ASAP2: variants seen among roughly 807,000 people sequenced by gnomAD.
ASAP2 encodes the protein ArfGAP with SH3 domain, ankyrin repeat and PH domain 2, also known as arf-GAP with SH3 domain, ANK repeat and PH domain-containing protein 2.
ASAP2 carries 45 observed loss-of-function variants against 131.4 expected under a neutral mutation model. The ratio of observed to expected loss-of-function variants is 0.34; its 90% CI spans 0.27 to 0.44. ASAP2 has a LOEUF of 0.44. Ranked by LOEUF, ASAP2 falls within the 20% of genes least tolerant of loss-of-function variation. The probability of loss-of-function intolerance (pLI) is 1.00; values close to 1 mark genes in which losing one functional copy is unlikely to be tolerated. For missense variants in ASAP2, 1,011 were observed against 1,297.0 expected, an observed-to-expected ratio of 0.78 and a Z score of 3.39; for synonymous variants, 510 against 503.0, an observed-to-expected ratio of 1.01 and a Z score of -0.19.
rs755154467 is a variant in ASAP2, at chr2:9,385,355, G to C, written c.2127G>C (p.Leu709Phe). 4.3e-6 allele frequency: 7 copies of C among 1,611,152 alleles called. No individual in the cohort carries two copies. Among genetic ancestry groups the C allele is most frequent in the Non-Finnish European group, 5.9e-6 (7 of 1,177,192 alleles). Reference sequence around the variant, plus strand: ...GTGATGACGACATGGATGAGAAATTGCAGGTCTGTGCCAGGTTGCTAACCA... The same window carrying C: ...GTGATGACGACATGGATGAGAAATTCCAGGTCTGTGCCAGGTTGCTAACCA... ...DESDDDMDEK[L>F]QPSPNRREDR... Residue 709 changes from leucine (L) to phenylalanine (F), a missense_variant, in exon 21 of 28, where the codon TTG (leucine) becomes TTC (phenylalanine). Transcript: ENST00000281419.
At chr2:9,286,513 T>C (rs1045469738) in intron 2 of ASAP2, among the ~76,000 whole-genome samples, 20 of 152,074 alleles carry the variant, frequency 1.3e-4, no homozygotes, top group African/African-American at 4.6e-4. Flanking sequence ...ATCAGAATAA[T>C]CTTTACTGTT....
At chr2:9,397,740 ATATATATATATTTTT>A (rs1298594625) in intron 24 of ASAP2, among the ~76,000 whole-genome samples, 2 of 87,668 alleles carry the variant, frequency 2.3e-5, no homozygotes, top group East Asian at 5.0e-4. Flanking sequence ...ATATATATAT[ATATATATATATTTTT>A]TTTTTTTTTT....
rs368547367 is a variant in ASAP2, at chr2:9,385,271, T to C, written c.2043T>C (p.Phe681=). The C allele has an allele frequency of 1.9e-6, 3 of 1,614,052 alleles. No individual in the cohort carries two copies. The African/African-American group carries it at 4.0e-5, about 22-fold the overall frequency. The part of the protein sequence containing the change: ...ELLTQALSGR[F]NSHVHVEYEW... ...TGACCCAAGCCTTATCTGGAAGATT[T>C]AATTCTCACGTTCACGTTGAATATG... The change falls in exon 21 of 28, where the codon TTT becomes TTC. Residue 681 remains phenylalanine, a synonymous_variant. Transcript: ENST00000281419.
At chr2:9,380,694 T>C (rs765995666) in intron 19 of ASAP2, 47 bp from the exon 20 acceptor site, 5 of 1,577,244 alleles carry the variant, frequency 3.2e-6, no homozygotes, top group South Asian at 1.1e-5. Flanking sequence ...GTCAGGCCTT[T>C]GCTGGGTTTT....
intron 16 of ASAP2, 135 bp from the exon 17 acceptor site, chr2:9,374,620 C>T (rs1374230560): frequency 4.1e-5 from 34 of 821,120 alleles, no homozygotes; most frequent in African/African-American, 3.5e-5. Context: ...CGGCCACTCC[C>T]GCTTTGTGTT....
intron 1 of ASAP2, among the ~76,000 whole-genome samples, chr2:9,266,147 C>CTTTTTTTT (rs3053782): frequency 2.2e-5 from 3 of 133,890 alleles, no homozygotes; most frequent in Admixed American, 7.6e-5. Flanking sequence ...GCCTTTTTAT[C>CTTTTTTTT]TTTTTTTTTT....
At chr2:9,364,526 A>T (rs1673312636) in intron 15 of ASAP2, among the ~76,000 whole-genome samples, 1 of 152,190 alleles carries the variant, frequency 6.6e-6, no homozygotes, top group Non-Finnish European at 1.5e-5. Flanking sequence ...ACATCAAATT[A>T]AAAAACAGGC....
At chr2:9,254,518 A>C (rs1326093715) in intron 1 of ASAP2, among the ~76,000 whole-genome samples, 1 of 113,986 alleles carries the variant, frequency 8.8e-6, no homozygotes, top group Non-Finnish European at 1.7e-5. Flanking sequence ...ACCCCCAGCT[A>C]ATTTTTGGAT....
At chr2:9,248,536 A>G (rs1296254224) in intron 1 of ASAP2, among the ~76,000 whole-genome samples, 1 of 152,004 alleles carries the variant, frequency 6.6e-6, no homozygotes, top group African/African-American at 2.4e-5. Context: ...CCCCAGTGAG[A>G]GTCAGCGTTT....
At chr2:9,350,944 C>T in intron 12 of ASAP2, 49 bp downstream of exon 12, 1 of 1,442,292 alleles carries the variant, frequency 6.9e-7, no homozygotes, top group South Asian at 1.2e-5. Flanking sequence ...GTCTTATGCT[C>T]TCCTCTGGGG....
rs1572659637 is a variant in ASAP2 at position 9,403,413 on chromosome 2, C to T, written c.*86C>T. 4 of 1,336,424 alleles carry T rather than the reference C, an allele frequency of 3.0e-6. No homozygotes were observed. The East Asian group carries it at 9.4e-5, about 31-fold the overall frequency. 82.8% of individuals were successfully genotyped at this position (1,336,424 alleles called of 1,614,324 possible). ...CTTGCCAGATAACCAGTTTCATGAACTGTTTGTATGGCAGCCCATGTTCTC... is the reference window on the plus strand; with the variant it reads ...CTTGCCAGATAACCAGTTTCATGAATTGTTTGTATGGCAGCCCATGTTCTC... On this transcript the variant is annotated 3_prime_UTR_variant, in exon 28 of 28. Transcript: ENST00000281419.
intron 24 of ASAP2, among the ~76,000 whole-genome samples, chr2:9,395,594 C>CTTTTTTTCTTTTT (rs1676063940): frequency 1.7e-5 from 1 of 59,056 alleles, no homozygotes; most frequent in African/African-American, 5.3e-5. Flanking sequence ...TGTTTTTTTT[C>CTTTTTTTCTTTTT]TTTTTTTTTT....
At chr2:9,361,974 C>CGTGT (rs70948815) in intron 15 of ASAP2, among the ~76,000 whole-genome samples, 20,915 of 143,122 alleles carry the variant, frequency 0.15, 1,618 homozygotes, top group Middle Eastern at 0.2. Context: ...TCTTTCTCTG[C>CGTGT]GTGTGTGTGT....
chr2:9,265,623 T>C (rs1036790241), intron 1 of ASAP2, among the ~76,000 whole-genome samples: 14 of 152,260 alleles, frequency 9.2e-5, no homozygotes, highest in Non-Finnish European at 4.4e-5. Context: ...TTATTTTCTT[T>C]CTGTATCTTT....
chr2:9,251,113 A>C (rs1213860364), intron 1 of ASAP2, among the ~76,000 whole-genome samples: 1 of 152,208 alleles, frequency 6.6e-6, no homozygotes, highest in East Asian at 1.9e-4. Flanking sequence ...TTCAGGGAAT[A>C]AGTGGACGGG....
At chr2:9,369,015 A>T (rs1356185505) in intron 16 of ASAP2, among the ~76,000 whole-genome samples, 4 of 147,758 alleles carry the variant, frequency 2.7e-5, no homozygotes, top group African/African-American at 5.2e-5. Flanking sequence ...TTGACGGAGA[A>T]GCTTTTTTTT....
chr2:9,326,110 G>A (rs1670459221), intron 6 of ASAP2, among the ~76,000 whole-genome samples: 1 of 152,210 alleles, frequency 6.6e-6, no homozygotes, highest in South Asian at 2.1e-4. Context: ...GCCGGGCAGG[G>A]TGGCTCACAC....
In ASAP2 at chr2:9,400,845, C is replaced by T. The variant is rs1294738448; in HGVS notation, c.2823+15C>T. 1 of 1,608,530 alleles carries T rather than the reference C, an allele frequency of 6.2e-7. No homozygotes were observed. Among genetic ancestry groups the T allele is most frequent in the Non-Finnish European group, 8.5e-7 (1 of 1,175,780 alleles). ...AGTCGCAGGCAGTAAGTGACGAGCC[C>T]CCTTTCCTGCCTCTCTGCTCTAGCC... On this transcript the variant is annotated intron_variant, in intron 26 of 27. Coordinates refer to ENST00000281419, the MANE Select transcript of ASAP2 (RefSeq NM_003887.3).
At position 9,392,032 on chromosome 2, in the gene ASAP2, G is replaced by C. The variant is rs956512911; in HGVS notation, c.2518+836G>C. 6.6e-6 allele frequency among the ~76,000 whole-genome samples: 1 copy of C among 152,052 alleles called. No individual in the cohort carries two copies. The highest frequency in any genetic ancestry group is 2.4e-5 in the African/African-American group (1 of 41,402). On this transcript the variant is annotated intron_variant, in intron 23 of 27. Transcript: ENST00000281419. This position sits in a 1 kb window ranked among gnomAD's most constrained non-coding sequence, Gnocchi z 4.0. Reference sequence around the variant, plus strand: ...AGTAGCTGGGATTATTGGTGCAAGCGTATTTTTTGTAGAGACAGGGTTTTG... The same window carrying C: ...AGTAGCTGGGATTATTGGTGCAAGCCTATTTTTTGTAGAGACAGGGTTTTG...
Sources: gnomAD v4.1 joint callset for allele counts (sites outside exome capture counted in the v4.1 genomes callset) on GRCh38, gnomAD v4.1.1 for gene constraint, Gnocchi (gnomAD v3.1) non-coding constraint, MANE v1.5 for transcripts, NCBI Gene and HGNC (gene_info 2026-07-23, HGNC 2026-07-21) for gene names.